Variants in PAFAH1B1 observed in about 807,000 individuals in gnomAD.
PAFAH1B1 encodes platelet activating factor acetylhydrolase 1b regulatory subunit 1.
In PAFAH1B1, 2 loss-of-function variants were observed where a neutral mutation model predicts 57.5. That is an observed-to-expected ratio of 0.03 (90% CI 0.01 to 0.11). The LOEUF (loss-of-function observed/expected upper bound fraction) is 0.11, where lower values mean the gene tolerates loss of function less well. PAFAH1B1 is among the 10% of genes least tolerant of loss of function. The pLI, the probability that PAFAH1B1 is intolerant of heterozygous loss-of-function variation, is 1.00. For synonymous variants in PAFAH1B1, 152 were observed against 169.6 expected, an observed-to-expected ratio of 0.90 and a Z score of 0.81; for missense variants, 257 against 512.0, an observed-to-expected ratio of 0.50 and a Z score of 4.81.
In PAFAH1B1 at chr17:2,681,711, C is replaced by A; in HGVS notation, c.1160-18C>A. On this transcript the variant is annotated intron_variant, in intron 10 of 10. Transcript: ENST00000397195. The stretch of plus-strand genomic sequence containing the variant: ...GCTTACGTGTGAGTTTTAAATAAAC[C>A]ATTTCTTTTTCTTTCAGATTTCCAC... 2 of 1,601,006 alleles carry A rather than the reference C, an allele frequency of 1.2e-6. No individual in the cohort carries two copies. Among genetic ancestry groups the A allele is most frequent in the African/African-American group, 1.3e-5 (1 of 74,686 alleles).
chr17:2,644,226 G>T (rs2068737092), intron 2 of PAFAH1B1, among the ~76,000 whole-genome samples: 1 of 149,868 alleles, frequency 6.7e-6, no homozygotes, highest in African/African-American at 2.5e-5. Context: ...AGCTCATAAA[G>T]TTTTTCCTTA....
intron 2 of PAFAH1B1, among the ~76,000 whole-genome samples, chr17:2,654,940 C>CT (rs929881626): frequency 3.4e-4 from 49 of 144,930 alleles, no homozygotes; most frequent in Middle Eastern, 3.6e-3. Flanking sequence ...CCCTGCGTGG[C>CT]TTTTTTTTTT....
At chr17:2,604,869 T>A (rs2068187959) in intron 1 of PAFAH1B1, among the ~76,000 whole-genome samples, 2 of 152,088 alleles carry the variant, frequency 1.3e-5, no homozygotes, top group African/African-American at 4.8e-5. Context: ...AACAGCAACA[T>A]AAATAGTCAC....
chr17:2,649,406 C>T (rs1157639993), intron 2 of PAFAH1B1, among the ~76,000 whole-genome samples: 5 of 151,804 alleles, frequency 3.3e-5, no homozygotes, highest in Non-Finnish European at 7.4e-5. Context: ...AACCCCATCT[C>T]TACTAAAAAT....
At chr17:2,640,879 A>AT (rs1376202859) in intron 2 of PAFAH1B1, 1 of 152,074 alleles carries the variant, frequency 6.6e-6, no homozygotes, top group Non-Finnish European at 1.5e-5. Context: ...AAGATGATTG[A>AT]TTTTTTCACT....
chr17:2,622,430 A>G (rs1341407660), intron 1 of PAFAH1B1, among the ~76,000 whole-genome samples: 3 of 152,190 alleles, frequency 2.0e-5, no homozygotes, highest in East Asian at 3.8e-4. Context: ...GGCTAAAACA[A>G]AGGGGTTACA....
intron 5 of PAFAH1B1, among the ~76,000 whole-genome samples, chr17:2,668,561 C>T (rs2069138754): frequency 6.6e-6 from 1 of 151,890 alleles, no homozygotes; most frequent in Non-Finnish European, 1.5e-5. Context: ...TGCCTGTAGT[C>T]CTAGCTACTC....
chr17:2,644,416 G>T (rs1168049741), intron 2 of PAFAH1B1, among the ~76,000 whole-genome samples: 1 of 152,030 alleles, frequency 6.6e-6, no homozygotes, highest in Non-Finnish European at 1.5e-5. Flanking sequence ...GGTGGTGGGC[G>T]CCTCTAGTCT....
intron 10 of PAFAH1B1, chr17:2,681,259 GA>G: frequency 6.5e-6 from 1 of 153,236 alleles, no homozygotes; most frequent in East Asian, 1.9e-4. Flanking sequence ...AAAAGGATTT[GA>G]GCCCCATTTG....
At chr17:2,626,103 A>G (rs1317761598) in intron 1 of PAFAH1B1, among the ~76,000 whole-genome samples, 2 of 151,942 alleles carry the variant, frequency 1.3e-5, no homozygotes, top group East Asian at 3.9e-4. Context: ...ATACAAAAAA[A>G]TTTAGCTAGG....
rs138328886 is a variant in PAFAH1B1 at position 2,608,703 on chromosome 17, G to A, written c.-191+14697G>A. Among the ~76,000 whole-genome samples, 295 of 152,330 alleles carry A rather than the reference G, an allele frequency of 1.9e-3. 4 individuals carry two copies. Among genetic ancestry groups the A allele is most frequent in the South Asian group, 0.013 (65 of 4,830 alleles). ...GTCCCTAGAAGTTTGAGGTCGCTGT[G>A]AGCTGTGCTTGTGCCTCTGCACTCC... On this transcript the variant is annotated intron_variant, in intron 1 of 10. Transcript: ENST00000397195.
At chr17:2,611,472 CAA>C (rs113597989) in intron 1 of PAFAH1B1, among the ~76,000 whole-genome samples, 3 of 118,344 alleles carry the variant, frequency 2.5e-5, no homozygotes, top group African/African-American at 3.1e-5. Flanking sequence ...CGTCTCGGGG[CAA>C]AAAAAAAAAA....
At chr17:2,600,782 T>C (rs1398841803) in intron 1 of PAFAH1B1, among the ~76,000 whole-genome samples, 3 of 152,062 alleles carry the variant, frequency 2.0e-5, no homozygotes, top group Non-Finnish European at 4.4e-5. Context: ...CAGACTGTAG[T>C]ACAGTGGCGC....
intron 1 of PAFAH1B1, among the ~76,000 whole-genome samples, chr17:2,603,121 G>T (rs1056448593): frequency 1.3e-5 from 2 of 152,138 alleles, no homozygotes; most frequent in African/African-American, 4.8e-5. Flanking sequence ...GCAACTTGTA[G>T]TATCTCAGAA....
At chr17:2,659,678 A>T (rs191803129) in intron 2 of PAFAH1B1, among the ~76,000 whole-genome samples, 57 of 149,340 alleles carry the variant, frequency 3.8e-4, no homozygotes, top group East Asian at 3.7e-3. Context: ...TAAAAATATT[A>T]AAAAAAAAAT....
At chr17:2,669,264 A>G (rs1416237227) in intron 5 of PAFAH1B1, among the ~76,000 whole-genome samples, 5 of 138,272 alleles carry the variant, frequency 3.6e-5, no homozygotes, top group Admixed American at 2.8e-4. Context: ...CAGCAATTAG[A>G]ATTTTTTTTT....
intron 1 of PAFAH1B1, among the ~76,000 whole-genome samples, chr17:2,626,514 A>G (rs1273703040): frequency 7.6e-6 from 1 of 131,484 alleles, no homozygotes; most frequent in Non-Finnish European, 1.6e-5. Flanking sequence ...TACTCAGGTT[A>G]TAGAGTTGAT....
chr17:2,638,352 A>G (rs1470130611), intron 2 of PAFAH1B1, 32 bp downstream of exon 2: 4 of 1,589,560 alleles, frequency 2.5e-6, no homozygotes, highest in East Asian at 2.2e-5. Context: ...TTTAAAAAAA[A>G]TCTCCCTCAT....
chr17:2,614,582 T>G (rs1168569416), intron 1 of PAFAH1B1, among the ~76,000 whole-genome samples: 1 of 152,108 alleles, frequency 6.6e-6, no homozygotes, highest in Non-Finnish European at 1.5e-5. Flanking sequence ...TCTTGAAGGA[T>G]TTTTAAAGAC....
Sources: gnomAD v4.1 joint callset for allele counts (sites outside exome capture counted in the v4.1 genomes callset) on GRCh38, gnomAD v4.1.1 for gene constraint, MANE v1.5 for transcripts, NCBI Gene and HGNC (gene_info 2026-07-23, HGNC 2026-07-21) for gene names.